The following CHRDL1 variants were observed in gnomAD, a reference collection of about 807,000 sequenced individuals.
The protein encoded by CHRDL1 is chordin-like protein 1.
CHRDL1 carries 19 observed loss-of-function variants against 40.9 expected under a neutral mutation model. The observed-to-expected ratio is 0.46, with a 90% confidence interval of 0.32 to 0.68. The LOEUF (loss-of-function observed/expected upper bound fraction) is 0.68, where lower values mean the gene tolerates loss of function less well. CHRDL1 is among the 30% of genes least tolerant of loss of function. CHRDL1 has a pLI of 0.03. For missense variants in CHRDL1, 329 were observed against 352.1 expected, an observed-to-expected ratio of 0.93 and a Z score of 0.53; for synonymous variants, 136 against 123.4, an observed-to-expected ratio of 1.10 and a Z score of -0.68.
intron 2 of CHRDL1, among the ~76,000 whole-genome samples, chrX:110,782,779 A>T (rs1210187683): frequency 8.9e-6 from 1 of 112,380 alleles, no homozygotes; most frequent in Non-Finnish European, 1.9e-5. Context: ...TTTAAACCTA[A>T]CAGCACTTTC....
intron 2 of CHRDL1, among the ~76,000 whole-genome samples, chrX:110,780,515 G>A (rs1262025109): frequency 9.0e-6 from 1 of 111,521 alleles, no homozygotes; most frequent in Non-Finnish European, 1.9e-5. Flanking sequence ...TGGGATATTA[G>A]GTTGTTTCCA....
At chrX:110,732,824 T>C (rs2048087927) in intron 4 of CHRDL1, among the ~76,000 whole-genome samples, 1 of 111,655 alleles carries the variant, frequency 9.0e-6, no homozygotes, top group Admixed American at 9.5e-5. Flanking sequence ...AGTTGTACTA[T>C]TTGTTTGCTG....
At chrX:110,727,657 T>A (rs1015093479) in intron 4 of CHRDL1, among the ~76,000 whole-genome samples, 5 of 112,115 alleles carry the variant, frequency 4.5e-5, no homozygotes, top group African/African-American at 1.6e-4. Flanking sequence ...GAAATATAAA[T>A]TAAAACTGCA....
intron 4 of CHRDL1, among the ~76,000 whole-genome samples, chrX:110,731,671 C>G (rs1329328548): frequency 1.8e-5 from 2 of 110,967 alleles, no homozygotes. Flanking sequence ...ATGGATGAAA[C>G]TTGAAAAATT....
chrX:110,683,652 G>A (rs911864089), intron 9 of CHRDL1, among the ~76,000 whole-genome samples: 2 of 111,783 alleles, frequency 1.8e-5, no homozygotes, highest in Non-Finnish European at 3.8e-5. Flanking sequence ...GAATGACCCT[G>A]TATGGCAGAC....
At chrX:110,717,130 C>T (rs1360263023) in intron 6 of CHRDL1, among the ~76,000 whole-genome samples, 1 of 111,714 alleles carries the variant, frequency 9.0e-6, no homozygotes, top group Non-Finnish European at 1.9e-5. Flanking sequence ...AAGTGACAGT[C>T]CACAGACCAC....
chrX:110,718,159 C>T (rs1040922109), intron 6 of CHRDL1, among the ~76,000 whole-genome samples: 2 of 111,803 alleles, frequency 1.8e-5, no homozygotes, highest in Non-Finnish European at 3.8e-5. Flanking sequence ...GGTCATTCAA[C>T]TACAAAGTAG....
chrX:110,757,621 C>A (rs2089477975), intron 4 of CHRDL1, among the ~76,000 whole-genome samples: 1 of 111,362 alleles, frequency 9.0e-6, no homozygotes, highest in Admixed American at 9.5e-5. Flanking sequence ...ACAGAAAGAG[C>A]TGTTAAAGGT....
At chrX:110,686,747 C>T (rs2070024778) in intron 9 of CHRDL1, among the ~76,000 whole-genome samples, 1 of 108,628 alleles carries the variant, frequency 9.2e-6, no homozygotes, top group Non-Finnish European at 1.9e-5. Flanking sequence ...TGTGGTGGTG[C>T]GTGCCTATAG....
chrX:110,724,953 T>C (rs2071028842), intron 4 of CHRDL1, among the ~76,000 whole-genome samples: 1 of 111,867 alleles, frequency 8.9e-6, no homozygotes, highest in Non-Finnish European at 1.9e-5. Context: ...TTGGAACACA[T>C]TCAGTGTTCC....
At chrX:110,682,812 C>T (rs2148411448) in intron 9 of CHRDL1, among the ~76,000 whole-genome samples, 1 of 112,130 alleles carries the variant, frequency 8.9e-6, no homozygotes, top group South Asian at 3.8e-4. Context: ...CTGAATTACT[C>T]AATTTGTGGA....
At chrX:110,725,930 G>T (rs2071047762) in intron 4 of CHRDL1, among the ~76,000 whole-genome samples, 1 of 111,643 alleles carries the variant, frequency 9.0e-6, no homozygotes, top group African/African-American at 3.3e-5. Flanking sequence ...ACATGGAAAT[G>T]AAGGTAAAGA....
chrX:110,718,661 T>C (rs952930904), intron 6 of CHRDL1, among the ~76,000 whole-genome samples: 1 of 112,402 alleles, frequency 8.9e-6, no homozygotes, highest in Non-Finnish European at 1.9e-5. Context: ...CTTCTTTTTA[T>C]CTTTCAGGTC....
intron 2 of CHRDL1, among the ~76,000 whole-genome samples, chrX:110,784,014 C>A (rs906708856): frequency 5.7e-4 from 64 of 112,088 alleles, no homozygotes; most frequent in African/African-American, 1.9e-3. Context: ...AAAGATGAAT[C>A]TCTGCTATTC....
intron 2 of CHRDL1, among the ~76,000 whole-genome samples, chrX:110,772,749 T>C (rs1357338521): frequency 8.9e-6 from 1 of 112,657 alleles, no homozygotes; most frequent in African/African-American, 3.2e-5. Flanking sequence ...TACCCACATA[T>C]GTGGTCAATT....
At chrX:110,783,990 T>G (rs756856341) in intron 2 of CHRDL1, among the ~76,000 whole-genome samples, 1 of 112,003 alleles carries the variant, frequency 8.9e-6, no homozygotes, top group Non-Finnish European at 1.9e-5. Context: ...TTATAACACA[T>G]GGTCAGTGGA....
chrX:110,730,478 G>A (rs1008363158), intron 4 of CHRDL1, among the ~76,000 whole-genome samples: 3 of 111,646 alleles, frequency 2.7e-5, no homozygotes, highest in African/African-American at 6.5e-5. Context: ...GTGGATTTAC[G>A]CTCAGAAGGG....
At chrX:110,752,348 G>A (rs976440520) in intron 4 of CHRDL1, among the ~76,000 whole-genome samples, 31 of 112,434 alleles carry the variant, frequency 2.8e-4, no homozygotes, top group African/African-American at 8.4e-4. Context: ...GATTACAGGC[G>A]TGAGCCAGTG....
At chrX:110,792,346 G>A (rs1199764814) in intron 1 of CHRDL1, 131 bp from the exon 2 acceptor site, 14 of 383,644 alleles carry the variant, frequency 3.6e-5, no homozygotes, top group Non-Finnish European at 5.9e-5. Flanking sequence ...TGTAAGTATT[G>A]TCTGCCTGCA....
Sources: gnomAD v4.1 joint callset for allele counts (sites outside exome capture counted in the v4.1 genomes callset) on GRCh38, gnomAD v4.1.1 for gene constraint, MANE v1.5 for transcripts, NCBI Gene and HGNC (gene_info 2026-07-23, HGNC 2026-07-21) for gene names.